PRDM15: variants seen among roughly 807,000 people sequenced by gnomAD.
The protein encoded by PRDM15 is PR/SET domain 15, also known as PR domain zinc finger protein 15.
In PRDM15, 64 loss-of-function variants were observed where a neutral mutation model predicts 128.6. The ratio of observed to expected loss-of-function variants is 0.50; its 90% CI spans 0.41 to 0.61. PRDM15 has a LOEUF of 0.61. Among genes scored for constraint, PRDM15 ranks in the 20% least tolerant of loss-of-function variants. The pLI is 0.00. For synonymous variants in PRDM15, 615 were observed against 621.8 expected (o/e 0.99, Z 0.16); for missense variants, 1,242 against 1,569.1 (o/e 0.79, Z 3.52).
intron 12 of PRDM15, among the ~76,000 whole-genome samples, chr21:41,826,959 T>A (rs1330695999): frequency 6.6e-6 from 1 of 152,190 alleles, no homozygotes; most frequent in African/African-American, 2.4e-5. Flanking sequence ...TCTGGCAGCA[T>A]CCACAGTTAC....
intron 11 of PRDM15, among the ~76,000 whole-genome samples, chr21:41,829,858 C>T (rs2062621411): frequency 6.6e-6 from 1 of 150,706 alleles, no homozygotes; most frequent in Admixed American, 6.6e-5. Flanking sequence ...TATACATTAT[C>T]ACATACCACA....
At chr21:41,806,406 C>T (rs1246014750) in intron 21 of PRDM15, among the ~76,000 whole-genome samples, 4 of 30,910 alleles carry the variant, frequency 1.3e-4, no homozygotes, top group Non-Finnish European at 7.4e-5. Flanking sequence ...ACCACCACCA[C>T]CACCATCACC....
chr21:41,829,167 TCA>T (rs1226393124), intron 11 of PRDM15, among the ~76,000 whole-genome samples: 3 of 128,248 alleles, frequency 2.3e-5, no homozygotes, highest in Non-Finnish European at 3.3e-5. Flanking sequence ...AAATACACAA[TCA>T]CACACACCAC....
Position 41,821,533 on chromosome 21 carries a change from G to A in PRDM15, c.1897-303C>T, listed in dbSNP as rs1401319407. 6.6e-6 allele frequency among the ~76,000 whole-genome samples: 1 copy of A among 152,172 alleles called. No homozygotes were observed. The highest frequency in any genetic ancestry group is 2.4e-5 in the African/African-American group (1 of 41,454). On this transcript the variant is annotated intron_variant, in intron 15 of 23. Transcript: ENST00000398548. This position sits in a 1 kb window ranked among gnomAD's most constrained non-coding sequence, Gnocchi z 5.4. ...AGGCCTCAGCAGGGAGGAGGAGGGG[G>A]AGGAGAGAAGGGGAGGGGAAAAGGG...
At position 41,828,585 on chromosome 21, in the gene PRDM15, C is replaced by CA. The variant is rs1487905795; in HGVS notation, c.1367-253_1367-252insT. Among the ~76,000 whole-genome samples, 1 of 151,786 alleles carries CA rather than the reference C, an allele frequency of 6.6e-6. No individual in the cohort carries two copies. The highest frequency in any genetic ancestry group is 6.5e-5 in the Admixed American group (1 of 15,268). On this transcript the variant is annotated intron_variant, in intron 11 of 23. Coordinates refer to ENST00000398548, the MANE Select transcript of PRDM15 (RefSeq NM_001040424.3). This position sits in a 1 kb window ranked among gnomAD's most constrained non-coding sequence, Gnocchi z 5.7. ...CCTTTCATCACCAAGCAACGCCAGC[C>CA]GCCTCCCTCCCGGGCCACCCTGCCC...
At position 41,847,120 on chromosome 21, in the gene PRDM15, C is replaced by T. The variant is rs758934416; in HGVS notation, c.610G>A (p.Ala204Thr). The change falls in exon 6 of 24, where the codon GCC becomes ACC. Residue 204 changes from alanine to threonine, a missense_variant. Physicochemically the swap from Ala to Thr is moderately conservative, Grantham distance 58. Transcript: ENST00000398548. The part of the protein sequence containing the change: ...PSQWACKVCS[A>T]TFLELQLLNE... ...AGGAGCTGCAGCTCCAGGAAGGTGG[C>T]AGAACACACTTTACACGCCCACTGG... 6.4e-7 allele frequency: 1 copy of T among 1,554,560 alleles called. No homozygotes were observed. Among genetic ancestry groups the T allele is most frequent in the South Asian group, 1.2e-5 (1 of 84,232 alleles).
At chr21:41,833,682 G>A (rs1197255550) in intron 11 of PRDM15, among the ~76,000 whole-genome samples, 2 of 152,190 alleles carry the variant, frequency 1.3e-5, no homozygotes, top group African/African-American at 2.4e-5. Flanking sequence ...GAGGTGGTGC[G>A]ATGCAGGTCC....
chr21:41,863,468 T>C (rs1351513625), intron 1 of PRDM15, among the ~76,000 whole-genome samples: 1 of 152,120 alleles, frequency 6.6e-6, no homozygotes, highest in Non-Finnish European at 1.5e-5. Flanking sequence ...ATATGACTAC[T>C]ACTACAAAAA....
At chr21:41,829,499 C>T (rs1270597636) in intron 11 of PRDM15, among the ~76,000 whole-genome samples, 1 of 151,834 alleles carries the variant, frequency 6.6e-6, no homozygotes, top group Non-Finnish European at 1.5e-5. Context: ...ACCACATACA[C>T]ATTCAACACA....
intron 18 of PRDM15, among the ~76,000 whole-genome samples, chr21:41,818,500 TGGA>T (rs2062132740): frequency 6.6e-6 from 1 of 151,980 alleles, no homozygotes; most frequent in Non-Finnish European, 1.5e-5. Flanking sequence ...AAAGTTACCC[TGGA>T]GGAGGGGCAA....
chr21:41,878,932 C>T, intron 1 of PRDM15: 1 of 952,520 alleles, frequency 1.0e-6, no homozygotes, highest in Non-Finnish European at 1.2e-6. Context: ...CGCGGGCGGG[C>T]GGGGGGCGCG....
At chr21:41,849,088 C>T (rs1272807227) in intron 5 of PRDM15, among the ~76,000 whole-genome samples, 3 of 152,128 alleles carry the variant, frequency 2.0e-5, no homozygotes, top group Non-Finnish European at 4.4e-5. Context: ...GCTAGAGCTC[C>T]GCTATGCAAA....
Position 41,801,591 on chromosome 21 carries a change from C to A in PRDM15, c.3075G>T (p.Gly1025=). ...QFTNLQPVAV[G]HLTTPERQLQ... The stretch of plus-strand genomic sequence containing the variant: ...ACTGGCGTTCAGGGGTGGTAAGGTG[C>A]CCCACGGCCACCGGCTGGAGATTGG... The change falls in exon 24 of 24, where the codon GGG becomes GGT. Residue 1025 remains glycine, a synonymous_variant. Transcript: ENST00000398548. 1 of 1,614,090 alleles carries A rather than the reference C, an allele frequency of 6.2e-7. No individual in the cohort carries two copies. Among genetic ancestry groups the A allele is most frequent in the Non-Finnish European group, 8.5e-7 (1 of 1,180,016 alleles).
intron 1 of PRDM15, among the ~76,000 whole-genome samples, chr21:41,868,804 C>CCTCA (rs1247662964): frequency 7.9e-5 from 12 of 150,998 alleles, no homozygotes. Context: ...AATTCTCCTG[C>CCTCA]CTCAGCCTCC....
intron 1 of PRDM15, chr21:41,861,591 C>A: frequency 6.2e-7 from 1 of 1,612,014 alleles, no homozygotes; most frequent in Non-Finnish European, 8.5e-7. Context: ...ACCTGCTTCT[C>A]TGATGCCCGT....
chr21:41,843,343 A>G (rs1366327430), intron 6 of PRDM15, among the ~76,000 whole-genome samples: 2 of 152,138 alleles, frequency 1.3e-5, no homozygotes, highest in African/African-American at 2.4e-5. Context: ...TGCTGCTCCA[A>G]TCTGGACCAG....
chr21:41,800,185 TTTGGAA>T lies in PRDM15; in HGVS notation c.*1049_*1054del, dbSNP rs1435721029. ...AAACTGGTCATGAAATACACCAACC[TTTGGAA>T]TTGAAGTTTAAACAGAAGGAAAATA... On this transcript the variant is annotated 3_prime_UTR_variant, in exon 24 of 24. Transcript: ENST00000398548. The T allele has an allele frequency of 1.3e-5, 2 of 152,232 alleles. No individual in the cohort carries two copies. The highest frequency in any genetic ancestry group is 2.9e-5 in the Non-Finnish European group (2 of 68,038). The allele number at this position is 152,232 out of a possible 1,614,324, so 9.4% of individuals were successfully genotyped here.
Position 41,823,336 on chromosome 21 carries a change from G to A in PRDM15, c.1743C>T (p.His581=), listed in dbSNP as rs2146416872. Residue 581 remains histidine, a synonymous_variant, in exon 14 of 24, where the codon CAC becomes CAT. Transcript: ENST00000398548. ...KFFRVDVLRD[H]IHVHFKDIAL... is the part of the protein sequence containing the mutation. ...TCGACACCTTGAAGTGGACATGGATGTGGTCCCTGAGCACATCCACGCGGA... is the reference window on the plus strand; with the variant it reads ...TCGACACCTTGAAGTGGACATGGATATGGTCCCTGAGCACATCCACGCGGA... The A allele has an allele frequency of 6.2e-7, 1 of 1,607,982 alleles. No homozygotes were observed. Among genetic ancestry groups the A allele is most frequent in the Non-Finnish European group, 8.5e-7 (1 of 1,177,422 alleles).
intron 14 of PRDM15, chr21:41,823,095 T>C (rs1254916028): frequency 6.8e-6 from 4 of 586,030 alleles, no homozygotes; most frequent in African/African-American, 1.9e-5. Context: ...CCTTCTACCA[T>C]GTGAGGACAC....
Sources: gnomAD v4.1 joint callset for allele counts (sites outside exome capture counted in the v4.1 genomes callset) on GRCh38, gnomAD v4.1.1 for gene constraint, Gnocchi (gnomAD v3.1) non-coding constraint, MANE v1.5 for transcripts, NCBI Gene and HGNC (gene_info 2026-07-23, HGNC 2026-07-21) for gene names.